Variants in PPP1R18 observed in about 807,000 individuals in gnomAD.
PPP1R18 encodes protein phosphatase 1 regulatory subunit 18, also known as phostensin.
Under a neutral mutation model 54.8 loss-of-function variants are expected in PPP1R18, and 31 were observed. The ratio of observed to expected loss-of-function variants is 0.57; its 90% CI spans 0.43 to 0.76. The LOEUF is 0.76. Ranked by LOEUF, PPP1R18 falls within the 30% of genes least tolerant of loss-of-function variation. PPP1R18 has a pLI of 0.00. For synonymous variants in PPP1R18, 310 were observed against 320.2 expected, an observed-to-expected ratio of 0.97 and a Z score of 0.34; for missense variants, 685 against 776.1, an observed-to-expected ratio of 0.88 and a Z score of 1.39.
rs987105920 is a variant in PPP1R18, at chr6:30,684,004, C to A, written c.1611+404G>T. 5.9e-5 allele frequency among the ~76,000 whole-genome samples: 9 copies of A among 151,912 alleles called. No individual in the cohort carries two copies. The highest frequency in any genetic ancestry group is 2.2e-4 in the African/African-American group (9 of 41,358). On this transcript the variant is annotated intron_variant, in intron 1 of 2. Transcript: ENST00000274853. The surrounding 1 kb of genome is among the most constrained non-coding windows in gnomAD (Gnocchi z 6.0). ...CTATCCCTTCTCCCCAGAAAAACTG[C>A]AAGTGCTCTCACCCTGGTGACCCTG...
Position 30,685,143 on chromosome 6 carries a change from A to C in PPP1R18, c.876T>G (p.Thr292=). Residue 292 remains threonine, a synonymous_variant, in exon 1 of 3, where the codon ACT becomes ACG. Transcript: ENST00000274853. The surrounding 1 kb of genome is among the most constrained non-coding windows in gnomAD (Gnocchi z 5.0). The part of the protein sequence containing the change: ...WPVPGVAPKE[T]AELSETLTRE... ...TTGTCAGGGTCTCGGACAGCTCTGC[A>C]GTCTCTTTTGGAGCTACCCCTGGAA... The C allele has an allele frequency of 6.2e-7, 1 of 1,612,980 alleles. No individual in the cohort carries two copies. The highest frequency in any genetic ancestry group is 8.5e-7 in the Non-Finnish European group (1 of 1,179,982).
Position 30,683,968 on chromosome 6 carries a change from C to A in PPP1R18, c.1611+440G>T, listed in dbSNP as rs1487752422. ...CAAACCCACCCCACCCCCTCCACCACCCCAGGCTCCCTATCCCTTCTCCCC... is the reference window on the plus strand; with the variant it reads ...CAAACCCACCCCACCCCCTCCACCAACCCAGGCTCCCTATCCCTTCTCCCC... On this transcript the variant is annotated intron_variant, in intron 1 of 2. Coordinates refer to ENST00000274853, the MANE Select transcript of PPP1R18 (RefSeq NM_133471.4). The surrounding 1 kb of genome is among the most constrained non-coding windows in gnomAD (Gnocchi z 5.1). Among the ~76,000 whole-genome samples, 2 of 151,876 alleles carry A rather than the reference C, an allele frequency of 1.3e-5. No homozygotes were observed. The highest frequency in any genetic ancestry group is 2.9e-5 in the Non-Finnish European group (2 of 67,990).
intron 2 of PPP1R18, 60 bp downstream of exon 2, chr6:30,679,119 G>T: frequency 6.8e-7 from 1 of 1,468,662 alleles, no homozygotes; most frequent in Non-Finnish European, 9.4e-7. Flanking sequence ...CTCTCTCCTG[G>T]ACCACAGCGC....
Position 30,684,517 on chromosome 6 carries a change from G to C in PPP1R18, c.1502C>G (p.Ala501Gly), listed in dbSNP as rs201585353. 5.0e-6 allele frequency: 8 copies of C among 1,612,546 alleles called. No individual in the cohort carries two copies. The highest frequency in any genetic ancestry group is 6.8e-6 in the Non-Finnish European group (8 of 1,179,832). The change falls in exon 1 of 3, where the codon GCT becomes GGT. Residue 501 changes from alanine to glycine, a missense_variant. By Grantham distance (60) the Ala-to-Gly change is moderately conservative (BLOSUM62 0). Transcript: ENST00000274853. This position sits in a 1 kb window ranked among gnomAD's most constrained non-coding sequence, Gnocchi z 6.0. ...GGCAGTTGGGTACCGCTTCTTCCCA[G>C]CCCCCGGGACTGCAGCATCAACTGT... ...PATVDAAVPG[A>G]GKKRYPTAEE... is the part of the protein sequence containing the mutation.
At position 30,677,131 on chromosome 6, in the gene PPP1R18, T is replaced by C. The variant is rs1770233826; in HGVS notation, c.*138A>G. ...ATTGGCTCTGCCCCCAGAAACAGGGTGGGGAAAGCAAGTTACAAGATGTTG... is the reference window on the plus strand; with the variant it reads ...ATTGGCTCTGCCCCCAGAAACAGGGCGGGGAAAGCAAGTTACAAGATGTTG... On this transcript the variant is annotated 3_prime_UTR_variant, in exon 3 of 3. Transcript: ENST00000274853. The C allele has an allele frequency of 2.4e-6, 2 of 835,320 alleles. No homozygotes were observed. The allele number at this position is 835,320 out of a possible 1,614,324, so 51.7% of individuals were successfully genotyped here.
Position 30,683,270 on chromosome 6 carries a change from T to C in PPP1R18, c.1611+1138A>G, listed in dbSNP as rs1770661438. On this transcript the variant is annotated intron_variant, in intron 1 of 2. Transcript: ENST00000274853. This position sits in a 1 kb window ranked among gnomAD's most constrained non-coding sequence, Gnocchi z 5.1. ...TGTGACTGGAGGGACTTCCTAAGTCTGAGATGTCTGAGTGTGGGACCTCTG... is the reference window on the plus strand; with the variant it reads ...TGTGACTGGAGGGACTTCCTAAGTCCGAGATGTCTGAGTGTGGGACCTCTG... Among the ~76,000 whole-genome samples, 1 of 152,340 alleles carries C rather than the reference T, an allele frequency of 6.6e-6. No homozygotes were observed. The highest frequency in any genetic ancestry group is 1.5e-5 in the Non-Finnish European group (1 of 68,024).
chr6:30,682,068 CT>C (rs1770580251), intron 1 of PPP1R18, among the ~76,000 whole-genome samples: 1 of 152,178 alleles, frequency 6.6e-6, no homozygotes, highest in Non-Finnish European at 1.5e-5. Flanking sequence ...CTCATATCCT[CT>C]TTTGGAATAA....
In PPP1R18 at chr6:30,685,263, A is replaced by T. The variant is rs768321278; in HGVS notation, c.756T>A (p.Ser252Arg). The change falls in exon 1 of 3, where the codon AGT becomes AGA. Residue 252 changes from serine to arginine, a missense_variant. Ser to Arg is a moderately radical substitution (Grantham distance 110). Coordinates refer to ENST00000274853, the MANE Select transcript of PPP1R18 (RefSeq NM_133471.4). This position sits in a 1 kb window ranked among gnomAD's most constrained non-coding sequence, Gnocchi z 5.0. Reference protein sequence around the residue: ...RPDSRESQEQSLVQLEATEWR... With the variant: ...RPDSRESQEQRLVQLEATEWR... ...ACTCTGTTGCCTCCAGTTGTACCAA[A>T]CTCTGTTCCTGAGACTCTCTGGAGT... is the stretch of plus-strand genomic sequence containing the variant. 1.2e-6 allele frequency: 2 copies of T among 1,611,828 alleles called. No individual in the cohort carries two copies. Among genetic ancestry groups the T allele is most frequent in the Non-Finnish European group, 1.7e-6 (2 of 1,179,704 alleles).
At chr6:30,678,145 G>T (rs1770303923) in intron 2 of PPP1R18, among the ~76,000 whole-genome samples, 1 of 151,868 alleles carries the variant, frequency 6.6e-6, no homozygotes, top group South Asian at 2.1e-4. Context: ...TTCTGACCTT[G>T]AGTGATCCAC....
At chr6:30,688,012 C>G (rs1188336781), upstream of PPP1R18, 1 of 152,410 alleles carries the variant, frequency 6.6e-6, no homozygotes, top group Non-Finnish European at 1.5e-5. This position sits in a 1 kb window ranked among gnomAD's most constrained non-coding sequence, Gnocchi z 5.9. Context: ...AAACTCAGCC[C>G]TGTAGCTTGG....
intron 1 of PPP1R18, among the ~76,000 whole-genome samples, chr6:30,682,836 T>C (rs925266166): frequency 2.6e-5 from 4 of 152,142 alleles, no homozygotes; most frequent in Non-Finnish European, 5.9e-5. Flanking sequence ...CTGGCTCCCC[T>C]GGGATGCTCC....
At chr6:30,681,767 A>AAAAAG (rs1297591228) in intron 1 of PPP1R18, among the ~76,000 whole-genome samples, 6 of 152,158 alleles carry the variant, frequency 3.9e-5, no homozygotes, top group African/African-American at 1.2e-4. Context: ...CTCAGAAAAA[A>AAAAAG]AAAAGAAAAG....
chr6:30,679,398 G>C lies in PPP1R18; in HGVS notation c.1612-9C>G, dbSNP rs1211128121. 1 of 1,586,658 alleles carries C rather than the reference G, an allele frequency of 6.3e-7. No homozygotes were observed. Among genetic ancestry groups the C allele is most frequent in the Non-Finnish European group, 8.6e-7 (1 of 1,168,574 alleles). ...CTGAAGGAGATCTTAAGCTGAAGGA[G>C]GGAGAAAAAGGGGGCAGGAGGCAAG... On this transcript the variant is annotated splice_polypyrimidine_tract_variant and intron_variant, in intron 1 of 2. Coordinates refer to ENST00000274853, the MANE Select transcript of PPP1R18 (RefSeq NM_133471.4).
chr6:30,681,898 C>A (rs1770573712), intron 1 of PPP1R18, among the ~76,000 whole-genome samples: 1 of 152,180 alleles, frequency 6.6e-6, no homozygotes, highest in African/African-American at 2.4e-5. Context: ...GGTGGTCCAG[C>A]CTGTACACAT....
intron 2 of PPP1R18, among the ~76,000 whole-genome samples, chr6:30,678,433 T>A (rs1770329620): frequency 6.6e-6 from 1 of 151,264 alleles, no homozygotes; most frequent in Non-Finnish European, 1.5e-5. Flanking sequence ...TGGAGTGCAG[T>A]GGCACGACCT....
At position 30,676,800 on chromosome 6, in the gene PPP1R18, A is replaced by G; in HGVS notation, c.*469T>C. Reference sequence around the variant, plus strand: ...TAAACCAGGCTGTGGTCAAGGGAGGAGGCAGGAGCTGTAAACAAAGGGGCA... The same window carrying G: ...TAAACCAGGCTGTGGTCAAGGGAGGGGGCAGGAGCTGTAAACAAAGGGGCA... On this transcript the variant is annotated 3_prime_UTR_variant, in exon 3 of 3. Transcript: ENST00000274853. 1 of 256,318 alleles carries G rather than the reference A, an allele frequency of 3.9e-6. No homozygotes were observed. Among genetic ancestry groups the G allele is most frequent in the Non-Finnish European group, 7.6e-6 (1 of 131,492 alleles). 15.9% of individuals were successfully genotyped at this position (256,318 alleles called of 1,614,324 possible).
chr6:30,679,094 A>C, intron 2 of PPP1R18, 85 bp downstream of exon 2: 1 of 1,185,096 alleles, frequency 8.4e-7, no homozygotes, highest in Non-Finnish European at 1.2e-6. Flanking sequence ...GAGTGCCTAC[A>C]TGTAATCCTC....
chr6:30,685,057 T>C lies in PPP1R18; in HGVS notation c.962A>G (p.Asp321Gly), dbSNP rs149235784. Residue 321 changes from aspartate (D) to glycine (G), a missense_variant, in exon 1 of 3, where the codon GAT (aspartate) becomes GGT (glycine). Coordinates refer to ENST00000274853, the MANE Select transcript of PPP1R18 (RefSeq NM_133471.4). The surrounding 1 kb of genome is among the most constrained non-coding windows in gnomAD (Gnocchi z 5.0). ...TGTTGGCTTCATGCCCCTCTCGCCATCTTCCACAGGCCTCTGCTCTGCTGC... is the reference window on the plus strand; with the variant it reads ...TGTTGGCTTCATGCCCCTCTCGCCACCTTCCACAGGCCTCTGCTCTGCTGC... Reference protein sequence around the residue: ...VEAAEQRPVEDGERGMKPTEG... With the variant: ...VEAAEQRPVEGGERGMKPTEG... 1.2e-6 allele frequency: 2 copies of C among 1,613,286 alleles called. No homozygotes were observed. The highest frequency in any genetic ancestry group is 1.7e-6 in the Non-Finnish European group (2 of 1,180,032).
chr6:30,679,373 C>G lies in PPP1R18; in HGVS notation c.1628G>C (p.Ser543Thr). Residue 543 changes from serine to threonine, a missense_variant, in exon 2 of 3, where the codon AGC becomes ACC. Transcript: ENST00000274853. ...GTACGTGGTCTCCAGGGCTGTCTCG[C>G]TGAAGGAGATCTTAAGCTGAAGGAG... ...RHHKQLKISFSETALETTYQY... is the reference protein window; with the variant it reads ...RHHKQLKISFTETALETTYQY... The G allele has an allele frequency of 6.3e-7, 1 of 1,587,650 alleles. No individual in the cohort carries two copies. The highest frequency in any genetic ancestry group is 1.1e-5 in the South Asian group (1 of 88,768).
Sources: allele counts gnomAD v4.1 joint callset (sites outside exome capture counted in the v4.1 genomes callset), GRCh38; gene constraint gnomAD v4.1.1; non-coding constraint Gnocchi (gnomAD v3.1); transcripts MANE v1.5; gene names NCBI Gene and HGNC (gene_info 2026-07-23, HGNC 2026-07-21).